Variants in IFFO2 observed in about 807,000 individuals in gnomAD.
IFFO2 encodes the protein intermediate filament family orphan 2.
In IFFO2, 19 loss-of-function variants were observed where a neutral mutation model predicts 53.5. That is an observed-to-expected ratio of 0.36 (90% CI 0.25 to 0.52). IFFO2 has a LOEUF of 0.52. IFFO2 is among the 20% of genes least tolerant of loss of function. The probability of loss-of-function intolerance (pLI) is 0.94; values close to 1 mark genes in which losing one functional copy is unlikely to be tolerated. For missense variants in IFFO2, 570 were observed against 727.4 expected, an observed-to-expected ratio of 0.78 and a Z score of 2.49; for synonymous variants, 303 against 313.6, an observed-to-expected ratio of 0.97 and a Z score of 0.36.
intron 1 of IFFO2, among the ~76,000 whole-genome samples, chr1:18,935,830 T>C (rs1408170025): frequency 2.0e-5 from 3 of 151,298 alleles, no homozygotes; most frequent in Admixed American, 6.6e-5. Flanking sequence ...GCTGGGATTA[T>C]AGGTGCATGC....
chr1:18,931,952 C>T (rs1936381469), intron 1 of IFFO2, among the ~76,000 whole-genome samples: 1 of 152,176 alleles, frequency 6.6e-6, no homozygotes, highest in Admixed American at 6.5e-5. Context: ...AGCCACTTTG[C>T]CCATGCACTT....
At chr1:18,938,642 C>A (rs1279447671) in intron 1 of IFFO2, among the ~76,000 whole-genome samples, 2 of 152,198 alleles carry the variant, frequency 1.3e-5, no homozygotes, top group African/African-American at 4.8e-5. Flanking sequence ...CCCATCCCTG[C>A]ACCTCTCTAG....
intron 2 of IFFO2, among the ~76,000 whole-genome samples, chr1:18,920,743 G>T (rs759073469): frequency 8.5e-5 from 13 of 152,202 alleles, no homozygotes; most frequent in Non-Finnish European, 1.8e-4. Context: ...GCCTCAGGTG[G>T]GGAGACAGTG....
intron 1 of IFFO2, among the ~76,000 whole-genome samples, chr1:18,923,091 T>G (rs1199594468): frequency 6.6e-6 from 1 of 152,106 alleles, no homozygotes; most frequent in East Asian, 1.9e-4. Flanking sequence ...GCAGGGCAGG[T>G]GCAAGGGCGA....
rs935032877 is a variant in IFFO2 at position 18,947,482 on chromosome 1, C to A, written c.665+8186G>T. Among the ~76,000 whole-genome samples the A allele has an allele frequency of 1.3e-5, 2 of 152,232 alleles. No homozygotes were observed. Among genetic ancestry groups the A allele is most frequent in the African/African-American group, 4.8e-5 (2 of 41,460 alleles). ...AAAGCGGCTTGCAATGGGCATGGCCCTTTCTGGGTACAGCACAGGATAAAG... is the reference window on the plus strand; with the variant it reads ...AAAGCGGCTTGCAATGGGCATGGCCATTTCTGGGTACAGCACAGGATAAAG... On this transcript the variant is annotated intron_variant, in intron 1 of 8. Coordinates refer to ENST00000455833, the MANE Select transcript of IFFO2 (RefSeq NM_001136265.2). This position sits in a 1 kb window ranked among gnomAD's most constrained non-coding sequence, Gnocchi z 5.0.
chr1:18,911,815 A>C, intron 6 of IFFO2, 148 bp downstream of exon 6: 3 of 1,012,388 alleles, frequency 3.0e-6, no homozygotes, highest in Non-Finnish European at 4.2e-6. Flanking sequence ...CTGGGATTAC[A>C]GGCATGAGCC....
chr1:18,941,773 A>T (rs1451477304), intron 1 of IFFO2, among the ~76,000 whole-genome samples: 3 of 152,010 alleles, frequency 2.0e-5, no homozygotes, highest in African/African-American at 7.2e-5. Flanking sequence ...CAGCAATGTG[A>T]CCCCCTGAGG....
At position 18,906,676 on chromosome 1, in the gene IFFO2, G is replaced by C. The variant is rs1445471696; in HGVS notation, c.*1885C>G. The C allele has an allele frequency of 6.6e-6, 1 of 152,208 alleles. No individual in the cohort carries two copies. The highest frequency in any genetic ancestry group is 1.5e-5 in the Non-Finnish European group (1 of 68,044). The allele number at this position is 152,208 out of a possible 1,614,324, so 9.4% of individuals were successfully genotyped here. ...TAACCTTTAGAACAAGGGTGAGTGA[G>C]GAGAGAGAAGGGCCGTCTCTCTTCC... On this transcript the variant is annotated 3_prime_UTR_variant, in exon 9 of 9. Transcript: ENST00000455833.
chr1:18,926,389 C>T (rs1936297668), intron 1 of IFFO2, among the ~76,000 whole-genome samples: 2 of 152,180 alleles, frequency 1.3e-5, no homozygotes, highest in African/African-American at 2.4e-5. Context: ...GAAGGAGAAA[C>T]CTTCCCTTTC....
intron 1 of IFFO2, among the ~76,000 whole-genome samples, chr1:18,935,184 C>A (rs565368065): frequency 6.6e-6 from 1 of 152,158 alleles, no homozygotes; most frequent in Non-Finnish European, 1.5e-5. Context: ...AGATTGCCTC[C>A]GTTGGGTGCA....
chr1:18,946,409 C>CTTTTTTTTTTTTTTTTTTTTTTTTTT (rs71577809), intron 1 of IFFO2, among the ~76,000 whole-genome samples: 1 of 96,542 alleles, frequency 1.0e-5, no homozygotes, highest in Non-Finnish European at 2.1e-5. Flanking sequence ...TTGCCACTTT[C>CTTTTTTTTTTTTTTTTTTTTTTTTTT]TTTTTTTTTT....
Position 18,956,156 on chromosome 1 carries a change from C to A in IFFO2, c.177G>T (p.Gly59=). 3 of 1,490,698 alleles carry A rather than the reference C, an allele frequency of 2.0e-6. No individual in the cohort carries two copies. The highest frequency in any genetic ancestry group is 1.8e-6 in the Non-Finnish European group (2 of 1,111,050). 92.3% of individuals were successfully genotyped at this position (1,490,698 alleles called of 1,614,324 possible). A position where few individuals can be genotyped will look rare whatever the true frequency, so the allele number is the denominator to read the frequency against. ...GGAAGCAGCGGAAGCGCACGTTGAG[C>A]CCCTTCAAGAGGTGGATGTTGGAGC... ...DLGSNIHLLK[G]LNVRFRCFLA... Residue 59 remains glycine, a synonymous_variant, in exon 1 of 9, where the codon GGG becomes GGT. Transcript: ENST00000455833. This position sits in a 1 kb window ranked among gnomAD's most constrained non-coding sequence, Gnocchi z 6.4.
At chr1:18,946,686 G>A (rs1396608230) in intron 1 of IFFO2, among the ~76,000 whole-genome samples, 2 of 151,924 alleles carry the variant, frequency 1.3e-5, no homozygotes, top group South Asian at 2.1e-4. Context: ...TAAAGTGCTG[G>A]GATTACAGGC....
chr1:18,922,053 T>G (rs1292984816), intron 1 of IFFO2, among the ~76,000 whole-genome samples: 1 of 152,114 alleles, frequency 6.6e-6, no homozygotes, highest in Non-Finnish European at 1.5e-5. Flanking sequence ...GGCACCGTCA[T>G]TATCCCCAGG....
intron 1 of IFFO2, among the ~76,000 whole-genome samples, chr1:18,954,191 T>C (rs1488861688): frequency 6.6e-6 from 1 of 152,208 alleles, no homozygotes; most frequent in East Asian, 1.9e-4. Flanking sequence ...ATGAGAGAGC[T>C]TGAGGACTCT....
chr1:18,917,983 C>T lies in IFFO2; in HGVS notation c.963+379G>A, dbSNP rs894497855. Among the ~76,000 whole-genome samples, 7 of 152,226 alleles carry T rather than the reference C, an allele frequency of 4.6e-5. No homozygotes were observed. The highest frequency in any genetic ancestry group is 3.3e-4 in the Admixed American group (5 of 15,288). On this transcript the variant is annotated intron_variant, in intron 4 of 8. Transcript: ENST00000455833. The surrounding 1 kb of genome is among the most constrained non-coding windows in gnomAD (Gnocchi z 5.9). ...CATAACCTGGCCAGGGTTCCCCAAC[C>T]GTGGGGATGATGCCCAGTTCTGGCA...
intron 1 of IFFO2, among the ~76,000 whole-genome samples, chr1:18,938,154 C>T (rs964367509): frequency 3.3e-5 from 5 of 152,244 alleles, no homozygotes; most frequent in African/African-American, 4.8e-5. Context: ...CCAACTCAGC[C>T]GCTCCGCAGC....
At chr1:18,954,553 G>T (rs1016454579) in intron 1 of IFFO2, among the ~76,000 whole-genome samples, 1 of 152,218 alleles carries the variant, frequency 6.6e-6, no homozygotes, top group Non-Finnish European at 1.5e-5. Context: ...CAATAGCTCC[G>T]AATGGAAGGC....
intron 8 of IFFO2, 105 bp downstream of exon 8, chr1:18,910,237 G>T: frequency 7.7e-7 from 1 of 1,296,294 alleles, no homozygotes; most frequent in Non-Finnish European, 1.1e-6. Flanking sequence ...ACAGATGGAC[G>T]GACAGAGAGA....
Sources: gnomAD v4.1 joint callset for allele counts (sites outside exome capture counted in the v4.1 genomes callset) on GRCh38, gnomAD v4.1.1 for gene constraint, Gnocchi (gnomAD v3.1) non-coding constraint, MANE v1.5 for transcripts, NCBI Gene and HGNC (gene_info 2026-07-23, HGNC 2026-07-21) for gene names.